ADAMTS18: variants seen among roughly 807,000 people sequenced by gnomAD.
ADAMTS18 encodes A disintegrin and metalloproteinase with thrombospondin motifs 18.
ADAMTS18 carries 157 observed loss-of-function variants against 165.9 expected under a neutral mutation model. That is an observed-to-expected ratio of 0.95 (90% CI 0.83 to 1.08). The LOEUF is 1.08. ADAMTS18 is among the 50% of genes least tolerant of loss of function. The probability of loss-of-function intolerance (pLI) is 0.00; values close to 1 mark genes in which losing one functional copy is unlikely to be tolerated. For synonymous variants in ADAMTS18, 782 were observed against 578.2 expected (o/e 1.35, Z -5.06); for missense variants, 2,040 against 1,534.0 (o/e 1.33, Z -5.51).
rs1597180683 is a variant in ADAMTS18 at position 77,367,671 on chromosome 16, T to C, written c.548A>G (p.Gln183Arg). 1.2e-6 allele frequency: 2 copies of C among 1,614,146 alleles called. No homozygotes were observed. Among genetic ancestry groups the C allele is most frequent in the East Asian group, 4.5e-5 (2 of 44,870 alleles). Reference sequence around the variant, plus strand: ...GTAGTTGTGTTCCTGGGCCAGAAGCTGAGGTAATGGCGAGATGAGGAATTC... The same window carrying C: ...GTAGTTGTGTTCCTGGGCCAGAAGCCGAGGTAATGGCGAGATGAGGAATTC... The part of the protein sequence containing the change: ...KNEFLISPLP[Q>R]LLAQEHNYSS... Residue 183 changes from glutamine (Q) to arginine (R), a missense_variant, in exon 4 of 23, where the codon CAG becomes CGG. Coordinates refer to ENST00000282849, the MANE Select transcript of ADAMTS18 (RefSeq NM_199355.4).
intron 10 of ADAMTS18, among the ~76,000 whole-genome samples, chr16:77,351,590 G>C (rs1018518126): frequency 6.6e-6 from 1 of 152,142 alleles, no homozygotes; most frequent in Non-Finnish European, 1.5e-5. Flanking sequence ...ATAAATTTGT[G>C]ATTAATAAAT....
chr16:77,328,818 G>A (rs530574921), intron 12 of ADAMTS18, among the ~76,000 whole-genome samples: 28 of 152,292 alleles, frequency 1.8e-4, no homozygotes, highest in African/African-American at 6.0e-4. Context: ...CTTGTAACGT[G>A]GAAAAGACCA....
chr16:77,424,741 T>C (rs2057649967), intron 3 of ADAMTS18, among the ~76,000 whole-genome samples: 1 of 152,168 alleles, frequency 6.6e-6, no homozygotes, highest in Non-Finnish European at 1.5e-5. Flanking sequence ...AAATGAGTAA[T>C]AGCCTAAGAA....
intron 16 of ADAMTS18, among the ~76,000 whole-genome samples, chr16:77,301,659 G>A (rs1292500556): frequency 6.6e-6 from 1 of 152,206 alleles, no homozygotes; most frequent in East Asian, 1.9e-4. Context: ...GTGGGTGGCA[G>A]CTGTTCAAGG....
intron 16 of ADAMTS18, among the ~76,000 whole-genome samples, chr16:77,309,120 T>C (rs1455739304): frequency 6.6e-6 from 1 of 152,174 alleles, no homozygotes; most frequent in Non-Finnish European, 1.5e-5. Flanking sequence ...TGGAAATTAT[T>C]TAGTTTTATA....
chr16:77,337,876 C>T (rs951380382), intron 11 of ADAMTS18, among the ~76,000 whole-genome samples: 1 of 151,462 alleles, frequency 6.6e-6, no homozygotes, highest in African/African-American at 2.4e-5. Context: ...AATATATACA[C>T]CTGTAATTTT....
intron 14 of ADAMTS18, among the ~76,000 whole-genome samples, chr16:77,322,091 G>T (rs150299599): frequency 1.4e-5 from 2 of 143,318 alleles, no homozygotes; most frequent in African/African-American, 2.6e-5. Context: ...GGAGGCAGAG[G>T]TTACAGTGAG....
rs566884913 is a variant in ADAMTS18, at chr16:77,291,179, T to C, written c.3402+87A>G. 78 of 1,444,486 alleles carry C rather than the reference T, an allele frequency of 5.4e-5. 1 individual carries two copies. The South Asian group carries it at 7.3e-4, about 14-fold the overall frequency. The allele number at this position is 1,444,486 out of a possible 1,614,324, so 89.5% of individuals were successfully genotyped here. On this transcript the variant is annotated intron_variant, in intron 21 of 22. Transcript: ENST00000282849. ...TAGTTGTTTTTACTTAGACAACCAT[T>C]AACAGACTAAGAGCAACTGTTTGCA... is the stretch of plus-strand genomic sequence containing the variant.
intron 4 of ADAMTS18, among the ~76,000 whole-genome samples, chr16:77,366,925 T>C (rs1334798420): frequency 6.6e-6 from 1 of 152,170 alleles, no homozygotes; most frequent in Non-Finnish European, 1.5e-5. Flanking sequence ...TATTAGAAAA[T>C]GTAAAATTGT....
intron 10 of ADAMTS18, 89 bp from the exon 11 acceptor site, chr16:77,341,888 T>A: frequency 9.5e-7 from 1 of 1,058,192 alleles, no homozygotes; most frequent in South Asian, 1.4e-5. Context: ...TATTATATTT[T>A]GGGGTAGCTG....
chr16:77,290,586 C>G, intron 21 of ADAMTS18: 1 of 155,288 alleles, frequency 6.4e-6, no homozygotes, highest in Admixed American at 6.3e-5. Context: ...TACCCGGACT[C>G]TGTGATTAAT....
chr16:77,376,809 CTT>C (rs549942617), intron 3 of ADAMTS18, among the ~76,000 whole-genome samples: 8,224 of 103,092 alleles, frequency 0.08, 86 homozygotes, highest in East Asian at 0.19. Context: ...CTAAATCATT[CTT>C]TTTTTTTTTT....
intron 16 of ADAMTS18, among the ~76,000 whole-genome samples, chr16:77,305,584 G>C (rs2055666537): frequency 6.6e-6 from 1 of 152,116 alleles, no homozygotes; most frequent in Non-Finnish European, 1.5e-5. Context: ...GCTAAATCCA[G>C]GTTTTCTCAC....
chr16:77,293,210 T>G lies in ADAMTS18; in HGVS notation c.3055A>C (p.Lys1019Gln). Residue 1019 changes from lysine to glutamine, a missense_variant, in exon 20 of 23, where the codon AAG becomes CAG. By Grantham distance (53) the Lys-to-Gln change is moderately conservative. Coordinates refer to ENST00000282849, the MANE Select transcript of ADAMTS18 (RefSeq NM_199355.4). ...GGGAGGGTTTCTGCGGCAGAGCCCT[T>G]GCAGAGGAGTTCACGCTTCCTCACC... Reference protein sequence around the residue: ...RGVRKRELLCKGSAAETLPES... With the variant: ...RGVRKRELLCQGSAAETLPES... 6.2e-7 allele frequency: 1 copy of G among 1,614,024 alleles called. No individual in the cohort carries two copies. Among genetic ancestry groups the G allele is most frequent in the African/African-American group, 1.3e-5 (1 of 75,010 alleles).
At chr16:77,319,085 TG>T (rs1555512151) in intron 16 of ADAMTS18, among the ~76,000 whole-genome samples, 2 of 152,110 alleles carry the variant, frequency 1.3e-5, no homozygotes, top group Non-Finnish European at 2.9e-5. Context: ...TTCTTACCTG[TG>T]GGGAAGCTAC....
intron 2 of ADAMTS18, 110 bp downstream of exon 2, chr16:77,434,308 C>G: frequency 7.8e-7 from 1 of 1,280,486 alleles, no homozygotes; most frequent in Admixed American, 2.0e-5. Context: ...CAAGACAGCG[C>G]ACACCTGCCA....
At position 77,354,004 on chromosome 16, in the gene ADAMTS18, G is replaced by T. The variant is rs998821389; in HGVS notation, c.1461-118C>A. The stretch of plus-strand genomic sequence containing the variant: ...AAATATAGCATGGTTCTAGAAACAG[G>T]TATATGTTTAAAGTTCAAATCTATG... On this transcript the variant is annotated intron_variant, in intron 9 of 22. Transcript: ENST00000282849. 4.8e-6 allele frequency: 6 copies of T among 1,257,792 alleles called. No individual in the cohort carries two copies. In the East Asian group the frequency reaches 1.4e-4, roughly 29 times the overall value. 77.9% of individuals were successfully genotyped at this position (1,257,792 alleles called of 1,614,324 possible). A position where few individuals can be genotyped will look rare whatever the true frequency, so the allele number is the denominator to read the frequency against.
intron 17 of ADAMTS18, among the ~76,000 whole-genome samples, chr16:77,298,785 C>T (rs1224579610): frequency 1.3e-5 from 2 of 152,058 alleles, no homozygotes; most frequent in African/African-American, 4.8e-5. Flanking sequence ...GAGTGAGATC[C>T]TATCTCAAGA....
chr16:77,388,983 C>G (rs274543), intron 3 of ADAMTS18, among the ~76,000 whole-genome samples: 135,500 of 152,226 alleles, frequency 0.89, 60,522 homozygotes, highest in East Asian at 0.99. Context: ...TGGAGAATCA[C>G]TGATGTGATT....
Sources: gnomAD v4.1 joint callset for allele counts (sites outside exome capture counted in the v4.1 genomes callset) on GRCh38, gnomAD v4.1.1 for gene constraint, MANE v1.5 for transcripts, NCBI Gene and HGNC (gene_info 2026-07-23, HGNC 2026-07-21) for gene names.